USP45: variants seen among roughly 807,000 people sequenced by gnomAD.
USP45 encodes ubiquitin carboxyl-terminal hydrolase 45.
A neutral mutation model predicts 95.8 loss-of-function variants in USP45; 89 were observed. The ratio of observed to expected loss-of-function variants is 0.93; its 90% CI spans 0.78 to 1.11. USP45 has a LOEUF of 1.11. Ranked by LOEUF, USP45 falls within the 50% of genes least tolerant of loss-of-function variation. The probability of loss-of-function intolerance (pLI) is 0.00; values close to 1 mark genes in which losing one functional copy is unlikely to be tolerated. For synonymous variants in USP45, 281 were observed against 316.2 expected (o/e 0.89, Z 1.18); for missense variants, 898 against 942.5 (o/e 0.95, Z 0.62).
At chr6:99,500,471 T>G (rs1358736010) in intron 5 of USP45, among the ~76,000 whole-genome samples, 1 of 152,122 alleles carries the variant, frequency 6.6e-6, no homozygotes, top group African/African-American at 2.4e-5. Flanking sequence ...CTTCCTAGCA[T>G]CTTTCTTATA....
intron 5 of USP45, among the ~76,000 whole-genome samples, chr6:99,496,425 A>T (rs952050063): frequency 4.6e-5 from 7 of 152,172 alleles, no homozygotes; most frequent in Admixed American, 2.0e-4. Context: ...AAGATACAGC[A>T]AACTCATACT....
chr6:99,485,175 C>CAAA (rs1190400783), intron 7 of USP45, among the ~76,000 whole-genome samples: 28,979 of 88,188 alleles, frequency 0.33, 3,631 homozygotes, highest in East Asian at 0.5. Context: ...ACTAAAAATA[C>CAAA]AAAAAAAAAA....
intron 13 of USP45, among the ~76,000 whole-genome samples, chr6:99,454,590 A>G (rs1784593730): frequency 6.6e-6 from 1 of 152,184 alleles, no homozygotes; most frequent in African/African-American, 2.4e-5. Flanking sequence ...AAGACATCCA[A>G]ATGGCCAAGA....
intron 15 of USP45, among the ~76,000 whole-genome samples, chr6:99,443,237 G>A (rs2128543542): frequency 6.6e-6 from 1 of 152,150 alleles, no homozygotes; most frequent in African/African-American, 2.4e-5. Flanking sequence ...TCGAACTCCT[G>A]ACCTCAGGTG....
At chr6:99,437,527 T>C in intron 16 of USP45, 128 bp from the exon 17 acceptor site, 1 of 1,013,308 alleles carries the variant, frequency 9.9e-7, no homozygotes, top group Non-Finnish European at 1.4e-6. Context: ...TTTCCATACT[T>C]ACTAGGCTGG....
intron 9 of USP45, among the ~76,000 whole-genome samples, chr6:99,474,818 C>T (rs1790394821): frequency 6.6e-6 from 1 of 152,142 alleles, no homozygotes; most frequent in Non-Finnish European, 1.5e-5. Context: ...TCCTTAATAT[C>T]TTGCATTTTC....
At chr6:99,457,955 A>G (rs1785454525) in intron 13 of USP45, among the ~76,000 whole-genome samples, 1 of 152,146 alleles carries the variant, frequency 6.6e-6, no homozygotes, top group Admixed American at 6.5e-5. Context: ...TTATTTTTTG[A>G]GACTATAGAA....
chr6:99,467,419 A>G (rs1047315751), intron 10 of USP45, among the ~76,000 whole-genome samples: 2 of 151,980 alleles, frequency 1.3e-5, no homozygotes, highest in African/African-American at 2.4e-5. Flanking sequence ...ATCATAAACC[A>G]TGGGAGGAAA....
chr6:99,484,963 T>C (rs945797041), intron 7 of USP45, among the ~76,000 whole-genome samples: 1 of 152,128 alleles, frequency 6.6e-6, no homozygotes, highest in African/African-American at 2.4e-5. Context: ...CACTTCCCTT[T>C]TCTCAATGAA....
rs1283434667 is a variant in USP45 at position 99,445,969 on chromosome 6, T to C, written c.1803A>G (p.Gln601=). 6.2e-7 allele frequency: 1 copy of C among 1,614,066 alleles called. No individual in the cohort carries two copies. The highest frequency in any genetic ancestry group is 8.5e-7 in the Non-Finnish European group (1 of 1,180,020). ...EGKHLRSYSP[Q]NAFQTLSQSY... ...TCTGAGAAAGGGTCTGAAAAGCATT[T>C]TGGGGACTATAAGACCTCAAATGCT... The change falls in exon 14 of 18, where the codon CAA becomes CAG. Residue 601 remains glutamine, a synonymous_variant. Transcript: ENST00000500704.
intron 13 of USP45, among the ~76,000 whole-genome samples, chr6:99,451,719 C>G (rs1783888854): frequency 6.6e-6 from 1 of 152,118 alleles, no homozygotes. Context: ...CCTGCATTTC[C>G]AAGACAATCC....
At chr6:99,451,265 G>A (rs1235994515) in intron 13 of USP45, among the ~76,000 whole-genome samples, 2 of 152,194 alleles carry the variant, frequency 1.3e-5, no homozygotes, top group African/African-American at 4.8e-5. Context: ...CAGATGACAT[G>A]ACTGTATATT....
At chr6:99,438,442 C>A (rs1780912677) in intron 16 of USP45, among the ~76,000 whole-genome samples, 1 of 152,130 alleles carries the variant, frequency 6.6e-6, no homozygotes, top group Admixed American at 6.6e-5. Flanking sequence ...AGCCAGATAT[C>A]TTTCAATTTA....
At chr6:99,504,341 T>C (rs1045814314) in intron 4 of USP45, among the ~76,000 whole-genome samples, 1 of 152,152 alleles carries the variant, frequency 6.6e-6, no homozygotes, top group African/African-American at 2.4e-5. Flanking sequence ...GGTTTCACCA[T>C]GTTGGTCAGA....
intron 13 of USP45, among the ~76,000 whole-genome samples, chr6:99,455,819 TAAAA>T (rs35285232): frequency 4.1e-4 from 18 of 44,370 alleles, no homozygotes; most frequent in African/African-American, 1.6e-3. Flanking sequence ...ATGTGAGAGC[TAAAA>T]AAAAAAAAAA....
chr6:99,459,079 C>A (rs1785738335), intron 13 of USP45, among the ~76,000 whole-genome samples: 1 of 152,076 alleles, frequency 6.6e-6, no homozygotes, highest in Admixed American at 6.6e-5. Context: ...CAGATTATTT[C>A]TTCACCCAGG....
chr6:99,498,229 G>A (rs1796708790), intron 5 of USP45, among the ~76,000 whole-genome samples: 1 of 152,114 alleles, frequency 6.6e-6, no homozygotes, highest in African/African-American at 2.4e-5. Context: ...TTAAAAGACT[G>A]AATAAATAAT....
intron 5 of USP45, among the ~76,000 whole-genome samples, chr6:99,494,614 G>C (rs1235965909): frequency 6.6e-6 from 1 of 152,110 alleles, no homozygotes; most frequent in Non-Finnish European, 1.5e-5. Context: ...TGAGTTCAAG[G>C]CTGGGTGTGA....
chr6:99,477,267 T>C (rs1791099103), intron 8 of USP45, among the ~76,000 whole-genome samples: 1 of 152,212 alleles, frequency 6.6e-6, no homozygotes, highest in South Asian at 2.1e-4. Flanking sequence ...TACAGGTCTT[T>C]TGACAGAGTG....
Sources: allele counts gnomAD v4.1 joint callset (sites outside exome capture counted in the v4.1 genomes callset), GRCh38; gene constraint gnomAD v4.1.1; transcripts MANE v1.5; gene names NCBI Gene and HGNC (gene_info 2026-07-23, HGNC 2026-07-21).